ASS1: variants seen among roughly 807,000 people sequenced by gnomAD.
ASS1 encodes argininosuccinate synthase.
In ASS1, 58 loss-of-function variants were observed where a neutral mutation model predicts 60.5. That is an observed-to-expected ratio of 0.96 (90% CI 0.78 to 1.19). The LOEUF (loss-of-function observed/expected upper bound fraction) is 1.19. ASS1 is among the 50% of genes most tolerant of loss of function. The probability of loss-of-function intolerance (pLI) is 0.00; values close to 1 mark genes in which losing one functional copy is unlikely to be tolerated. For synonymous variants in ASS1, 200 were observed against 206.9 expected, an observed-to-expected ratio of 0.97 and a Z score of 0.29; for missense variants, 454 against 547.3, an observed-to-expected ratio of 0.83 and a Z score of 1.70.
intron 3 of ASS1, among the ~76,000 whole-genome samples, chr9:130,455,772 C>T (rs1011074974): frequency 1.3e-5 from 2 of 152,258 alleles, no homozygotes; most frequent in Non-Finnish European, 2.9e-5. Context: ...TGTGCAAGGC[C>T]ACCAGCCCAC....
chr9:130,489,953 T>C lies in ASS1; in HGVS notation c.970+489T>C, dbSNP rs1354605810. Among the ~76,000 whole-genome samples the C allele has an allele frequency of 6.6e-6, 1 of 152,212 alleles. No individual in the cohort carries two copies. Among genetic ancestry groups the C allele is most frequent in the Admixed American group, 6.5e-5 (1 of 15,288 alleles). On this transcript the variant is annotated intron_variant, in intron 12 of 14. Coordinates refer to ENST00000352480, the MANE Select transcript of ASS1 (RefSeq NM_054012.4). This position sits in a 1 kb window ranked among gnomAD's most constrained non-coding sequence, Gnocchi z 4.1. Reference sequence around the variant, plus strand: ...CCAGGAAGAACCTGGACCTACTCCATGAACTTGAGGGAGAGGCTCCCTGGA... The same window carrying C: ...CCAGGAAGAACCTGGACCTACTCCACGAACTTGAGGGAGAGGCTCCCTGGA...
intron 11 of ASS1, among the ~76,000 whole-genome samples, chr9:130,481,420 A>G (rs1248664762): frequency 6.6e-6 from 1 of 152,136 alleles, no homozygotes; most frequent in Non-Finnish European, 1.5e-5. Flanking sequence ...GGTTGATTTG[A>G]AAAGATACCA....
In ASS1 at chr9:130,489,527, G is replaced by A. The variant is rs2118864606; in HGVS notation, c.970+63G>A. The stretch of plus-strand genomic sequence containing the variant: ...CACAAGGGATCCCAAAGTACTATCA[G>A]GCTCTCGGGCCTGGCCCTCCCCTCC... On this transcript the variant is annotated intron_variant, in intron 12 of 14. Transcript: ENST00000352480. This position sits in a 1 kb window ranked among gnomAD's most constrained non-coding sequence, Gnocchi z 4.1. The A allele has an allele frequency of 6.2e-7, 1 of 1,612,042 alleles. No homozygotes were observed. The highest frequency in any genetic ancestry group is 1.1e-5 in the South Asian group (1 of 91,018).
intron 4 of ASS1, 119 bp from the exon 5 acceptor site, chr9:130,463,990 CAT>C: frequency 2.0e-6 from 2 of 1,024,102 alleles, no homozygotes; most frequent in Non-Finnish European, 1.5e-6. Context: ...CATGACCTCA[CAT>C]GTGTACACGC....
chr9:130,473,311 T>A (rs1183450111), intron 8 of ASS1, among the ~76,000 whole-genome samples: 1 of 152,154 alleles, frequency 6.6e-6, no homozygotes, highest in Non-Finnish European at 1.5e-5. Flanking sequence ...TTGGCCTGTC[T>A]CAGGGCAAGC....
At chr9:130,500,909 T>C in intron 14 of ASS1, 67 bp from the exon 15 acceptor site, 1 of 1,554,756 alleles carries the variant, frequency 6.4e-7, no homozygotes. Context: ...CTGCCTGAAT[T>C]AATTGAACCC....
intron 1 of ASS1, among the ~76,000 whole-genome samples, chr9:130,449,996 T>C (rs1418955519): frequency 1.3e-5 from 2 of 152,156 alleles, no homozygotes; most frequent in Non-Finnish European, 2.9e-5. Flanking sequence ...TAGACCTCAA[T>C]AGAGCTGTTT....
chr9:130,486,336 C>T (rs1311658860), intron 11 of ASS1, among the ~76,000 whole-genome samples: 1 of 152,144 alleles, frequency 6.6e-6, no homozygotes, highest in Non-Finnish European at 1.5e-5. Flanking sequence ...AGCAATCCTC[C>T]CTCCTTGGCC....
chr9:130,458,630 C>T (rs370384861), intron 4 of ASS1, 41 bp downstream of exon 4: 22 of 1,597,486 alleles, frequency 1.4e-5, no homozygotes, highest in South Asian at 1.0e-4. Flanking sequence ...GAGATGGAGG[C>T]GGAGGGGTGT....
chr9:130,466,707 C>T lies in ASS1; in HGVS notation c.421-18C>T. The T allele has an allele frequency of 1.2e-6, 2 of 1,613,190 alleles. No individual in the cohort carries two copies. The highest frequency in any genetic ancestry group is 1.7e-6 in the Non-Finnish European group (2 of 1,179,304). On this transcript the variant is annotated intron_variant, in intron 5 of 14. Transcript: ENST00000352480. ...ACAGCTCGGCCCTCCCGGCTCTGAC[C>T]CCTTGTCCTATGTCCAGGTCATTGC...
At position 130,456,408 on chromosome 9, in the gene ASS1, G is replaced by A. The variant is rs560751055; in HGVS notation, c.175-1993G>A. ...TTGAACCCAGGAGGCGGAGGTTGCA[G>A]TAAGCTGAAATCACACCATTGCACT... On this transcript the variant is annotated intron_variant, in intron 3 of 14. Coordinates refer to ENST00000352480, the MANE Select transcript of ASS1 (RefSeq NM_054012.4). Among the ~76,000 whole-genome samples, 16 of 152,198 alleles carry A rather than the reference G, an allele frequency of 1.1e-4. No individual in the cohort carries two copies. In the South Asian group the frequency reaches 3.1e-3, roughly 30 times the overall value.
intron 4 of ASS1, among the ~76,000 whole-genome samples, chr9:130,460,331 G>T (rs2131875833): frequency 6.6e-6 from 1 of 152,336 alleles, no homozygotes; most frequent in East Asian, 1.9e-4. Flanking sequence ...CGGAGCACTG[G>T]TTCAGCAAGC....
chr9:130,449,363 A>AG (rs1330361556), intron 1 of ASS1, among the ~76,000 whole-genome samples: 8 of 140,426 alleles, frequency 5.7e-5, no homozygotes, highest in Admixed American at 4.4e-4. Context: ...AAAAAAAAAA[A>AG]GGATACAGCT....
At chr9:130,444,751 C>G (rs925485999), upstream of ASS1, among the ~76,000 whole-genome samples, 2 of 151,724 alleles carry the variant, frequency 1.3e-5, no homozygotes, top group Admixed American at 6.6e-5. The surrounding 1 kb of genome is among the most constrained non-coding windows in gnomAD (Gnocchi z 4.7). Flanking sequence ...GGCCCAGGCC[C>G]GGACCTGGTG....
At chr9:130,460,226 G>A (rs1158696543) in intron 4 of ASS1, among the ~76,000 whole-genome samples, 9 of 152,188 alleles carry the variant, frequency 5.9e-5, no homozygotes, top group Non-Finnish European at 1.2e-4. Context: ...TGATGATGGA[G>A]GAGACGCGGT....
intron 8 of ASS1, among the ~76,000 whole-genome samples, chr9:130,474,173 G>A (rs998602707): frequency 4.7e-5 from 7 of 150,208 alleles, no homozygotes; most frequent in Admixed American, 2.0e-4. Flanking sequence ...TGGGCTTTTA[G>A]GAAGGAGAGT....
intron 4 of ASS1, 128 bp downstream of exon 4, chr9:130,458,717 C>G: frequency 7.6e-7 from 1 of 1,311,988 alleles, no homozygotes; most frequent in Non-Finnish European, 1.1e-6. Flanking sequence ...AGCTACATGG[C>G]TTTGTTTAGA....
chr9:130,470,875 G>C lies in ASS1; in HGVS notation c.537G>C (p.Trp179Cys), dbSNP rs1409764603. The C allele has an allele frequency of 1.2e-6, 2 of 1,614,096 alleles. No homozygotes were observed. ...TCCCGGTCACTCCCAAGAACCCGTG[G>C]AGCATGGATGAGAACCTCATGCACA... is the stretch of plus-strand genomic sequence containing the variant. Reference protein sequence around the residue: ...IPIPVTPKNPWSMDENLMHIS... With the variant: ...IPIPVTPKNPCSMDENLMHIS... The change falls in exon 7 of 15, where the codon TGG (tryptophan) becomes TGC (cysteine). Residue 179 changes from tryptophan to cysteine, a missense_variant. By Grantham distance (215) the Trp-to-Cys change is radical (BLOSUM62 -2). Coordinates refer to ENST00000352480, the MANE Select transcript of ASS1 (RefSeq NM_054012.4). The surrounding 1 kb of genome is among the most constrained non-coding windows in gnomAD (Gnocchi z 4.3).
intron 9 of ASS1, among the ~76,000 whole-genome samples, chr9:130,479,089 G>C: frequency 6.6e-6 from 1 of 151,780 alleles, no homozygotes; most frequent in South Asian, 2.1e-4. Context: ...AGTCAACCCC[G>C]AACCCACCCA....
Sources: allele counts gnomAD v4.1 joint callset (sites outside exome capture counted in the v4.1 genomes callset), GRCh38; gene constraint gnomAD v4.1.1; non-coding constraint Gnocchi (gnomAD v3.1); transcripts MANE v1.5; gene names NCBI Gene and HGNC (gene_info 2026-07-23, HGNC 2026-07-21).